The following DMD variants were observed in gnomAD, a reference collection of about 807,000 sequenced individuals.
DMD encodes the protein mutant dystrophin.
A neutral mutation model predicts 330.1 loss-of-function variants in DMD; 63 were observed. That is an observed-to-expected ratio of 0.19 (90% CI 0.16 to 0.24). The LOEUF is 0.24. Among genes scored for constraint, DMD ranks in the 10% least tolerant of loss-of-function variants. The probability of loss-of-function intolerance (pLI) is 1.00; values close to 1 mark genes in which losing one functional copy is unlikely to be tolerated. For missense variants in DMD, 3,344 were observed against 2,684.1 expected, an observed-to-expected ratio of 1.25 and a Z score of -5.43; for synonymous variants, 1,223 against 959.8, an observed-to-expected ratio of 1.27 and a Z score of -5.07.
At chrX:32,483,300 G>A (rs2042102051) in intron 21 of DMD, among the ~76,000 whole-genome samples, 1 of 104,908 alleles carries the variant, frequency 9.5e-6, no homozygotes, top group Non-Finnish European at 2.0e-5. Flanking sequence ...AAAAAGTTAG[G>A]AAGTTTTATA....
chrX:32,520,951 T>C (rs1444665175), intron 17 of DMD, among the ~76,000 whole-genome samples: 3 of 109,279 alleles, frequency 2.7e-5, no homozygotes, highest in African/African-American at 1.0e-4. Flanking sequence ...CTCTCTCAGA[T>C]GATCTTGTTC....
chrX:33,022,779 C>T (rs1223301322), intron 1 of DMD, among the ~76,000 whole-genome samples: 1 of 111,379 alleles, frequency 9.0e-6, no homozygotes, highest in Admixed American at 9.6e-5. Context: ...CTATCATTTA[C>T]ATTATAATTG....
chrX:32,337,313 T>TG (rs1348878026), intron 41 of DMD, among the ~76,000 whole-genome samples: 1 of 109,326 alleles, frequency 9.1e-6, no homozygotes, highest in Admixed American at 1.0e-4. Flanking sequence ...TTAACGTAGA[T>TG]GGGGGGTGGA....
intron 1 of DMD, among the ~76,000 whole-genome samples, chrX:33,118,301 G>A (rs963369580): frequency 3.7e-5 from 4 of 108,767 alleles, no homozygotes; most frequent in Non-Finnish European, 5.7e-5. Flanking sequence ...TAGTGGAGAC[G>A]GGGTTTCACC....
chrX:31,816,794 T>TAA (rs1556914953), intron 50 of DMD, among the ~76,000 whole-genome samples: 1 of 85,344 alleles, frequency 1.2e-5, no homozygotes, highest in East Asian at 4.0e-4. Context: ...CAAGATTCTG[T>TAA]CACACACACA....
At chrX:33,155,385 A>G (rs1216368697) in intron 1 of DMD, among the ~76,000 whole-genome samples, 3 of 106,806 alleles carry the variant, frequency 2.8e-5, no homozygotes, top group Admixed American at 2.0e-4. Context: ...GCTCAATCTC[A>G]GCTCACTGCA....
chrX:32,705,759 T>G (rs973682313), intron 7 of DMD, among the ~76,000 whole-genome samples: 1 of 111,992 alleles, frequency 8.9e-6, no homozygotes, highest in Non-Finnish European at 1.9e-5. Context: ...TGGTTTTGAT[T>G]TGCATTTCTC....
intron 2 of DMD, among the ~76,000 whole-genome samples, chrX:32,931,037 C>CTA (rs927623686): frequency 1.9e-5 from 2 of 106,847 alleles, no homozygotes; most frequent in Admixed American, 2.0e-4. Context: ...ACAATTAATA[C>CTA]TATATATATT....
intron 1 of DMD, among the ~76,000 whole-genome samples, chrX:33,300,031 T>C (rs1297664489): frequency 8.9e-6 from 1 of 112,166 alleles, no homozygotes; most frequent in Non-Finnish European, 1.9e-5. Context: ...CACTTGGTTG[T>C]GGTCACGCCT....
intron 55 of DMD, among the ~76,000 whole-genome samples, chrX:31,612,809 T>G (rs1365126394): frequency 8.9e-6 from 1 of 112,257 alleles, no homozygotes; most frequent in African/African-American, 3.2e-5. Context: ...GTGCTTAAGA[T>G]TTAATTTTAA....
intron 44 of DMD, among the ~76,000 whole-genome samples, chrX:32,059,269 G>A (rs1382312903): frequency 9.0e-6 from 1 of 111,124 alleles, no homozygotes; most frequent in Non-Finnish European, 1.9e-5. Flanking sequence ...GCTTCATTAA[G>A]AAAAAAACAT....
At chrX:32,392,032 T>G (rs1016596391) in intron 30 of DMD, among the ~76,000 whole-genome samples, 2 of 111,625 alleles carry the variant, frequency 1.8e-5, no homozygotes, top group African/African-American at 6.5e-5. Context: ...AGAATCTCTC[T>G]CAGAAAATTA....
intron 48 of DMD, among the ~76,000 whole-genome samples, chrX:31,852,833 C>A (rs758041194): frequency 1.8e-5 from 2 of 111,966 alleles, no homozygotes; most frequent in South Asian, 7.4e-4. Flanking sequence ...CTATAAACTC[C>A]TTATATAGAC....
Position 31,658,034 on chromosome X carries a change from C to T in DMD, c.7983G>A (p.Met2661Ile), listed in dbSNP as rs761188998. Residue 2661 changes from methionine (M) to isoleucine (I), a missense_variant, in exon 54 of 79, where the codon ATG (methionine) becomes ATA (isoleucine). Coordinates refer to ENST00000357033, the MANE Select transcript of DMD (RefSeq NM_004006.3). ...YSADDTRKVH[M>I]ITENINASWR... ...AAGAGGCATTGATATTCTCTGTTATCATGTGGACTTTTCTGGTATCATCTG... is the reference window on the plus strand; with the variant it reads ...AAGAGGCATTGATATTCTCTGTTATTATGTGGACTTTTCTGGTATCATCTG... 1 of 1,210,787 alleles carries T rather than the reference C, an allele frequency of 8.3e-7. No homozygotes were observed. The highest frequency in any genetic ancestry group is 1.8e-5 in the South Asian group (1 of 56,977).
intron 16 of DMD, among the ~76,000 whole-genome samples, chrX:32,561,715 A>C (rs1017747741): frequency 1.8e-5 from 2 of 111,572 alleles, no homozygotes; most frequent in African/African-American, 3.3e-5. Flanking sequence ...GATACTGAGC[A>C]GACCAACCCC....
At chrX:32,052,151 AC>A (rs1267789329) in intron 44 of DMD, among the ~76,000 whole-genome samples, 5 of 111,750 alleles carry the variant, frequency 4.5e-5, no homozygotes, top group Non-Finnish European at 9.4e-5. Flanking sequence ...TAGGCATAGA[AC>A]CTGAGTAAGT....
At chrX:32,041,058 C>A (rs2095997730) in intron 44 of DMD, among the ~76,000 whole-genome samples, 1 of 111,292 alleles carries the variant, frequency 9.0e-6, no homozygotes, top group Non-Finnish European at 1.9e-5. Flanking sequence ...TGAAGAAAAC[C>A]TGAAATCAAT....
At chrX:31,413,918 T>C (rs763927899) in intron 60 of DMD, among the ~76,000 whole-genome samples, 2 of 110,401 alleles carry the variant, frequency 1.8e-5, no homozygotes, top group Middle Eastern at 4.7e-3. Context: ...AACATGACTC[T>C]AGTGAATATT....
chrX:31,943,871 CAGAGAGTGAGAG>C (rs1256941362), intron 45 of DMD, among the ~76,000 whole-genome samples: 4 of 53,218 alleles, frequency 7.5e-5, no homozygotes, highest in Non-Finnish European at 1.6e-4. Context: ...CGAAGTTCCC[CAGAGAGTGAGAG>C]AGAGAGAGAG....
Sources: allele counts gnomAD v4.1 joint callset (sites outside exome capture counted in the v4.1 genomes callset), GRCh38; gene constraint gnomAD v4.1.1; transcripts MANE v1.5; gene names NCBI Gene and HGNC (gene_info 2026-07-23, HGNC 2026-07-21).